TTLL6: variants seen among roughly 807,000 people sequenced by gnomAD.
TTLL6 encodes the protein tubulin polyglutamylase TTLL6.
Under a neutral mutation model 96.4 loss-of-function variants are expected in TTLL6, and 75 were observed. The ratio of observed to expected loss-of-function variants is 0.78; its 90% confidence interval spans 0.65 to 0.94. The LOEUF (loss-of-function observed/expected upper bound fraction) is 0.94. Among genes scored for constraint, TTLL6 ranks in the 40% least tolerant of loss-of-function variants. The pLI is 0.00. For missense variants in TTLL6, 1,030 were observed against 1,093.0 expected (o/e 0.94, Z 0.81); for synonymous variants, 411 against 419.4 (o/e 0.98, Z 0.24).
rs1160917452 is a variant in TTLL6 at position 48,769,132 on chromosome 17, G to A, written c.2533C>T (p.Leu845=). ...PQSYNVTLRD[L]LVIATPAQLD... ...TGGGCTGGAGTGGCAATCACCAGCA[G>A]GTCCCTCAGAGTAACATTATAGCTC... Residue 845 remains leucine, a synonymous_variant, in exon 15 of 16, where the codon CTG becomes TTG. Transcript: ENST00000393382. 6.2e-7 allele frequency: 1 copy of A among 1,614,064 alleles called. No individual in the cohort carries two copies. The highest frequency in any genetic ancestry group is 1.3e-5 in the African/African-American group (1 of 74,932).
chr17:48,802,793 C>T (rs1465213436), intron 3 of TTLL6, among the ~76,000 whole-genome samples: 1 of 152,188 alleles, frequency 6.6e-6, no homozygotes, highest in African/African-American at 2.4e-5. Flanking sequence ...ATCACTTGAA[C>T]CCGGGAGGCG....
intron 1 of TTLL6, among the ~76,000 whole-genome samples, chr17:48,809,274 A>G (rs2039547043): frequency 6.6e-6 from 1 of 152,204 alleles, no homozygotes; most frequent in African/African-American, 2.4e-5. Flanking sequence ...TTCCCAGTGA[A>G]CAGGCACATT....
intron 13 of TTLL6, among the ~76,000 whole-genome samples, chr17:48,784,617 CCTCAAGAACTGT>C (rs2039052165): frequency 3.9e-5 from 6 of 152,138 alleles, no homozygotes; most frequent in African/African-American, 1.4e-4. Context: ...AGACTTCCAG[CCTCAAGAACTGT>C]GAGAGAATAA....
rs2039059250 is a variant in TTLL6, at chr17:48,784,965, C to T, written c.1998G>A (p.Glu666=). ...EPSKPNFSIK[E]AKSASAVNVF... is the part of the protein sequence containing the mutation. ...CGTTCACTGCAGAGGCAGACTTGGC[C>T]TCCTTGATGCTGAAGTTGGGTTTAC... Residue 666 remains glutamate (E), a synonymous_variant, in exon 13 of 16, where the codon GAG becomes GAA. Transcript: ENST00000393382. 1 of 1,614,172 alleles carries T rather than the reference C, an allele frequency of 6.2e-7. No homozygotes were observed. The highest frequency in any genetic ancestry group is 8.5e-7 in the Non-Finnish European group (1 of 1,180,030).
intron 10 of TTLL6, among the ~76,000 whole-genome samples, chr17:48,788,528 C>G (rs2039153126): frequency 6.6e-6 from 1 of 152,186 alleles, no homozygotes; most frequent in Non-Finnish European, 1.5e-5. Flanking sequence ...TATCCAGGGC[C>G]AAATAATGAG....
intron 15 of TTLL6, among the ~76,000 whole-genome samples, chr17:48,767,742 T>C (rs775240084): frequency 3.3e-5 from 5 of 152,190 alleles, no homozygotes; most frequent in African/African-American, 4.8e-5. Flanking sequence ...TGACCTTCCC[T>C]CAGAAGCACT....
At chr17:48,804,491 A>T (rs1381469662) in intron 2 of TTLL6, 1 of 584,238 alleles carries the variant, frequency 1.7e-6, no homozygotes, top group Non-Finnish European at 3.2e-6. Flanking sequence ...AAAACAAGGA[A>T]ATCTTCTTTT....
At chr17:48,777,768 G>A (rs1447159057) in intron 13 of TTLL6, among the ~76,000 whole-genome samples, 4 of 151,798 alleles carry the variant, frequency 2.6e-5, no homozygotes, top group East Asian at 1.9e-4. Flanking sequence ...AAAATTAGCC[G>A]GGCATGGTGG....
At chr17:48,776,393 G>A (rs2038871769) in intron 13 of TTLL6, among the ~76,000 whole-genome samples, 1 of 152,152 alleles carries the variant, frequency 6.6e-6, no homozygotes, top group Admixed American at 6.5e-5. Flanking sequence ...CCTGGGAGGT[G>A]GAGGTTGCAG....
chr17:48,810,834 T>TATATATATATAC (rs1555569651), intron 1 of TTLL6, among the ~76,000 whole-genome samples: 1 of 137,048 alleles, frequency 7.3e-6, no homozygotes, highest in African/African-American at 3.0e-5. Flanking sequence ...TGTATATATA[T>TATATATATATAC]ATATATATAT....
chr17:48,762,913 C>T lies in TTLL6; in HGVS notation c.*61G>A, dbSNP rs942763514. On this transcript the variant is annotated 3_prime_UTR_variant, in exon 16 of 16. Coordinates refer to ENST00000393382, the MANE Select transcript of TTLL6 (RefSeq NM_001130918.3). ...ACACTGGAGACACTGTCGGAAGAGA[C>T]ACATTGTTTCCTGCAAGTTAAGAGG... The T allele has an allele frequency of 4.2e-5, 19 of 456,040 alleles. No individual in the cohort carries two copies. Among genetic ancestry groups the T allele is most frequent in the Non-Finnish European group, 7.5e-5 (17 of 226,782 alleles). The allele number at this position is 456,040 out of a possible 1,614,324, so 28.2% of individuals were successfully genotyped here.
intron 1 of TTLL6, among the ~76,000 whole-genome samples, chr17:48,811,423 G>A (rs2039590408): frequency 6.6e-6 from 1 of 151,882 alleles, no homozygotes; most frequent in African/African-American, 2.4e-5. Flanking sequence ...TAGAGACATG[G>A]TCTTGCTATG....
rs1325340248 is a variant in TTLL6 at position 48,804,795 on chromosome 17, G to A, written c.300C>T (p.Gly100=). 3.9e-6 allele frequency: 6 copies of A among 1,551,914 alleles called. No homozygotes were observed. In the African/African-American group the frequency reaches 6.9e-5, roughly 18 times the overall value. Residue 100 remains glycine, a synonymous_variant, in exon 2 of 16, where the codon GGC becomes GGT. Coordinates refer to ENST00000393382, the MANE Select transcript of TTLL6 (RefSeq NM_001130918.3). The stretch of plus-strand genomic sequence containing the variant: ...ACCTCTTTTTCTTCCTCTTCTTCTT[G>A]CCTTGCTGCTGGGCATTCTGAAGTC... The part of the protein sequence containing the change: ...QNGLQNAQQQ[G]KKKRKKKRLV...
At chr17:48,789,197 T>A (rs2039168357) in intron 10 of TTLL6, among the ~76,000 whole-genome samples, 1 of 152,194 alleles carries the variant, frequency 6.6e-6, no homozygotes, top group African/African-American at 2.4e-5. Flanking sequence ...TTTCTATCCA[T>A]TATATATAGC....
In TTLL6 at chr17:48,785,102, C is replaced by A; in HGVS notation, c.1861G>T (p.Ala621Ser). The A allele has an allele frequency of 6.2e-7, 1 of 1,614,156 alleles. No homozygotes were observed. Among genetic ancestry groups the A allele is most frequent in the Non-Finnish European group, 8.5e-7 (1 of 1,180,032 alleles). The change falls in exon 13 of 16, where the codon GCT becomes TCT. Residue 621 changes from alanine to serine, a missense_variant. Coordinates refer to ENST00000393382, the MANE Select transcript of TTLL6 (RefSeq NM_001130918.3). Reference protein sequence around the residue: ...NETDSSLNQEAPTEEASSVFP... With the variant: ...NETDSSLNQESPTEEASSVFP... ...ACAGAGCTGGCCTCCTCCGTGGGAG[C>A]CTCCTGGTTGAGGCTGCTGTCTGTT... is the stretch of plus-strand genomic sequence containing the variant.
At position 48,789,941 on chromosome 17, in the gene TTLL6, G is replaced by T; in HGVS notation, c.1390C>A (p.Arg464=). The stretch of plus-strand genomic sequence containing the variant: ...GGAGTGCGAATGTACCTCATCTCCC[G>T]AGAACAACACTGCTGCAGGAACTGC... ...RGQFLQQCCS[R]EMRIEEAKGF... Residue 464 remains arginine, a synonymous_variant, in exon 10 of 16, where the codon CGG becomes AGG. Coordinates refer to ENST00000393382, the MANE Select transcript of TTLL6 (RefSeq NM_001130918.3). The T allele has an allele frequency of 1.2e-6, 2 of 1,614,046 alleles. No individual in the cohort carries two copies. Among genetic ancestry groups the T allele is most frequent in the Non-Finnish European group, 1.7e-6 (2 of 1,179,992 alleles).
chr17:48,779,269 G>T (rs991132194), intron 13 of TTLL6, among the ~76,000 whole-genome samples: 2 of 143,552 alleles, frequency 1.4e-5, no homozygotes, highest in African/African-American at 5.1e-5. Flanking sequence ...CATGAGAATT[G>T]CTTGAACCCG....
At chr17:48,799,784 G>C (rs943954152) in intron 5 of TTLL6, 24 bp from the exon 6 acceptor site, 2 of 1,547,762 alleles carry the variant, frequency 1.3e-6, no homozygotes, top group Non-Finnish European at 8.7e-7. Context: ...GAGGGAACAA[G>C]ATACATCTTT....
intron 15 of TTLL6, among the ~76,000 whole-genome samples, chr17:48,766,484 G>A (rs1027157404): frequency 8.5e-5 from 13 of 152,110 alleles, no homozygotes; most frequent in Non-Finnish European, 1.8e-4. Flanking sequence ...CCCTTTCTTC[G>A]TGTGGCTTCT....
Sources: gnomAD v4.1 joint callset for allele counts (sites outside exome capture counted in the v4.1 genomes callset) on GRCh38, gnomAD v4.1.1 for gene constraint, MANE v1.5 for transcripts, NCBI Gene and HGNC (gene_info 2026-07-23, HGNC 2026-07-21) for gene names.